Variants in SLMAP observed in about 807,000 individuals in gnomAD.
The protein encoded by SLMAP is sarcolemma associated protein.
Under a neutral mutation model 128.8 loss-of-function variants are expected in SLMAP, and 44 were observed. The observed-to-expected ratio is 0.34, with a 90% CI of 0.27 to 0.44. SLMAP has a LOEUF of 0.44. SLMAP is among the 20% of genes least tolerant of loss of function. The pLI is 1.00. For missense variants in SLMAP, 787 were observed against 985.3 expected (o/e 0.80, Z 2.69); for synonymous variants, 327 against 348.8 (o/e 0.94, Z 0.70).
chr3:57,767,411 AAGTT>A (rs1172070719), intron 2 of SLMAP, among the ~76,000 whole-genome samples: 1 of 152,212 alleles, frequency 6.6e-6, no homozygotes, highest in Non-Finnish European at 1.5e-5. Flanking sequence ...AAAGTCATTC[AAGTT>A]AGTTCTCAAT....
chr3:57,763,500 C>G (rs987274466), intron 2 of SLMAP, among the ~76,000 whole-genome samples: 1 of 152,042 alleles, frequency 6.6e-6, no homozygotes, highest in African/African-American at 2.4e-5. Flanking sequence ...GTCTCGAACT[C>G]CTGAGCTTAG....
chr3:57,812,385 G>C (rs915488061), intron 2 of SLMAP, among the ~76,000 whole-genome samples: 4 of 152,122 alleles, frequency 2.6e-5, no homozygotes, highest in African/African-American at 7.2e-5. Flanking sequence ...GACTGTATAT[G>C]TGAATGTTTA....
At chr3:57,778,570 CTT>C (rs1171049495) in intron 2 of SLMAP, among the ~76,000 whole-genome samples, 11 of 115,092 alleles carry the variant, frequency 9.6e-5, no homozygotes, top group Non-Finnish European at 1.9e-4. Flanking sequence ...TTCTTTCTTT[CTT>C]TTTTTTTTTT....
rs138654687 is a variant in SLMAP, at chr3:57,928,083, G to A, written c.*794G>A. ...ACTTTGAAAAACTTTCCATGAGAGT[G>A]TATTTTCTTGAGCAAACTGAAGTAT... is the stretch of plus-strand genomic sequence containing the variant. On this transcript the variant is annotated 3_prime_UTR_variant, in exon 25 of 25. Transcript: ENST00000671191. 1,561 of 152,576 alleles carry A rather than the reference G, an allele frequency of 0.01. 13 individuals carry two copies. The highest frequency in any genetic ancestry group is 0.011 in the African/African-American group (462 of 41,514). The allele number at this position is 152,576 out of a possible 1,614,324, so 9.5% of individuals were successfully genotyped here. A position where few individuals can be genotyped will look rare whatever the true frequency, so the allele number is the denominator to read the frequency against.
Position 57,787,945 on chromosome 3 carries a change from C to T in SLMAP, c.198+30096C>T, listed in dbSNP as rs76685362. Among the ~76,000 whole-genome samples, 754 of 152,182 alleles carry T rather than the reference C, an allele frequency of 5.0e-3. 4 individuals carry two copies. Among genetic ancestry groups the T allele is most frequent in the Non-Finnish European group, 6.8e-3 (462 of 68,020 alleles). On this transcript the variant is annotated intron_variant, in intron 2 of 24. Coordinates refer to ENST00000671191, the MANE Select transcript of SLMAP (RefSeq NM_001377540.1). The stretch of plus-strand genomic sequence containing the variant: ...CAAGAGAGGTACTAGTCAAATGATC[C>T]GCAGTTGAAGTGTTTAGGAAGGAAT...
At chr3:57,767,452 A>G (rs1206609261) in intron 2 of SLMAP, among the ~76,000 whole-genome samples, 1 of 152,178 alleles carries the variant, frequency 6.6e-6, no homozygotes, top group Non-Finnish European at 1.5e-5. Flanking sequence ...AATTATCAAT[A>G]TGTAGTCTTT....
chr3:57,867,117 T>TG (rs1019643493), intron 13 of SLMAP, among the ~76,000 whole-genome samples: 13 of 152,252 alleles, frequency 8.5e-5, no homozygotes, highest in African/African-American at 2.9e-4. Flanking sequence ...AGGCAGAGGT[T>TG]GCAATGAGCC....
chr3:57,765,564 A>G (rs1280953471), intron 2 of SLMAP, among the ~76,000 whole-genome samples: 3 of 152,202 alleles, frequency 2.0e-5, no homozygotes, highest in Non-Finnish European at 4.4e-5. Flanking sequence ...TTTTTCCTCC[A>G]CACATCTAAA....
At chr3:57,844,773 G>T (rs898103984) in intron 4 of SLMAP, among the ~76,000 whole-genome samples, 7 of 147,370 alleles carry the variant, frequency 4.7e-5, no homozygotes, top group South Asian at 4.3e-4. Context: ...GTAGTGCGGT[G>T]GTGTGATCTC....
intron 14 of SLMAP, among the ~76,000 whole-genome samples, chr3:57,874,703 T>A (rs2095562507): frequency 6.6e-6 from 1 of 151,900 alleles, no homozygotes. Flanking sequence ...CTACTAAAAA[T>A]ACAAAATTAG....
chr3:57,863,238 A>G (rs1288312776), intron 10 of SLMAP, among the ~76,000 whole-genome samples: 2 of 152,138 alleles, frequency 1.3e-5, no homozygotes, highest in African/African-American at 2.4e-5. Context: ...TCATAGGGTA[A>G]TGATAGGGTA....
chr3:57,862,040 A>G lies in SLMAP; in HGVS notation c.920A>G (p.Tyr307Cys). The change falls in exon 10 of 25, where the codon TAT becomes TGT. Residue 307 changes from tyrosine to cysteine, a missense_variant. Transcript: ENST00000671191. ...GAATTAAGAGAATTAGCCAACAAAT[A>G]TAATGGAGCAGTTAATGAGATTAAA... is the stretch of plus-strand genomic sequence containing the variant. ...QEELRELANK[Y>C]NGAVNEIKDL... 1 of 1,595,278 alleles carries G rather than the reference A, an allele frequency of 6.3e-7. No individual in the cohort carries two copies. Among genetic ancestry groups the G allele is most frequent in the Non-Finnish European group, 8.6e-7 (1 of 1,162,964 alleles).
chr3:57,870,872 A>G (rs1178484521), intron 13 of SLMAP, among the ~76,000 whole-genome samples: 2 of 152,248 alleles, frequency 1.3e-5, no homozygotes, highest in South Asian at 2.1e-4. Flanking sequence ...GTTAAAGGAC[A>G]TTATCCAGAT....
intron 2 of SLMAP, among the ~76,000 whole-genome samples, chr3:57,787,021 C>T (rs759973787): frequency 6.0e-4 from 92 of 152,124 alleles, no homozygotes; most frequent in Non-Finnish European, 1.1e-3. Flanking sequence ...CAGGCGTGAG[C>T]CACCGCACCC....
At chr3:57,790,630 G>A (rs192577772) in intron 2 of SLMAP, among the ~76,000 whole-genome samples, 1 of 152,224 alleles carries the variant, frequency 6.6e-6, no homozygotes, top group African/African-American at 2.4e-5. Flanking sequence ...TGCTAAATAT[G>A]TGAGTTTGTT....
intron 2 of SLMAP, among the ~76,000 whole-genome samples, chr3:57,765,146 G>C (rs1268296744): frequency 1.3e-5 from 2 of 152,194 alleles, no homozygotes; most frequent in African/African-American, 4.8e-5. Flanking sequence ...GAGGCCAGGA[G>C]TTTGAGGCTG....
At chr3:57,771,029 A>G (rs1238612453) in intron 2 of SLMAP, among the ~76,000 whole-genome samples, 1 of 152,156 alleles carries the variant, frequency 6.6e-6, no homozygotes, top group Non-Finnish European at 1.5e-5. Flanking sequence ...CTCAAAGGAA[A>G]TGCTCATTGG....
chr3:57,854,431 C>G lies in SLMAP; in HGVS notation c.520-3302C>G, dbSNP rs574268089. Reference sequence around the variant, plus strand: ...TGGCAAACATGGAGAAAGCTCATCTCCACAAAAAATACAAAAATTAGCTGG... The same window carrying G: ...TGGCAAACATGGAGAAAGCTCATCTGCACAAAAAATACAAAAATTAGCTGG... On this transcript the variant is annotated intron_variant, in intron 6 of 24. Transcript: ENST00000671191. 9.9e-5 allele frequency among the ~76,000 whole-genome samples: 15 copies of G among 152,068 alleles called. No homozygotes were observed. In the East Asian group the frequency reaches 2.3e-3, roughly 24 times the overall value.
chr3:57,813,064 A>G (rs899785081), intron 2 of SLMAP, among the ~76,000 whole-genome samples: 7 of 148,800 alleles, frequency 4.7e-5, no homozygotes, highest in Non-Finnish European at 8.9e-5. Context: ...CTATAAACGG[A>G]TAATTTTATT....
Sources: gnomAD v4.1 joint callset for allele counts (sites outside exome capture counted in the v4.1 genomes callset) on GRCh38, gnomAD v4.1.1 for gene constraint, MANE v1.5 for transcripts, NCBI Gene and HGNC (gene_info 2026-07-23, HGNC 2026-07-21) for gene names.